PERCC1: variants seen among roughly 807,000 people sequenced by gnomAD.
The protein encoded by PERCC1 is protein PERCC1.
At position 1,432,704 on chromosome 16, in the gene PERCC1, G is replaced by GGAA; in HGVS notation, c.113_114insAGA (p.Glu47dup). 1 of 83,870 alleles carries GGAA rather than the reference G, an allele frequency of 1.2e-5. No homozygotes were observed. The highest frequency in any genetic ancestry group is 2.9e-5 in the Non-Finnish European group (1 of 34,926). The allele number at this position is 83,870 out of a possible 1,614,324, so 5.2% of individuals were successfully genotyped here. On this transcript the variant is annotated inframe_insertion, in exon 2 of 2. Transcript: ENST00000640283. ...CCCCAGAGACTTCGGAGGAGGAAGAGGAGGAGGAGGAGGAGGAGGAGGAGG... is the reference window on the plus strand; with the variant it reads ...CCCCAGAGACTTCGGAGGAGGAAGAGGAAGAGGAGGAGGAGGAGGAGGAGGAGG...
chr16:1,434,335 A>G lies in PERCC1; in HGVS notation c.*938A>G. On this transcript the variant is annotated 3_prime_UTR_variant, in exon 2 of 2. Transcript: ENST00000640283. ...GGACCTCGCCACCCCGCTCAGCCCCACAGGCCCTGGGTAGGCTGTCTCCCA... is the reference window on the plus strand; with the variant it reads ...GGACCTCGCCACCCCGCTCAGCCCCGCAGGCCCTGGGTAGGCTGTCTCCCA... The G allele has an allele frequency of 6.6e-7, 1 of 1,508,894 alleles. No homozygotes were observed. Among genetic ancestry groups the G allele is most frequent in the Non-Finnish European group, 8.9e-7 (1 of 1,122,608 alleles). The allele number at this position is 1,508,894 out of a possible 1,614,324, so 93.5% of individuals were successfully genotyped here.
Position 1,433,781 on chromosome 16 carries a change from G to A in PERCC1, c.*384G>A, listed in dbSNP as rs1051033578. 6.6e-6 allele frequency among the ~76,000 whole-genome samples: 1 copy of A among 152,180 alleles called. No individual in the cohort carries two copies. Among genetic ancestry groups the A allele is most frequent in the African/African-American group, 2.4e-5 (1 of 41,442 alleles). ...CCCCGAGCCAGCCCTCCCACTGCCT[G>A]CCCATCCCACCGAACCCCTAGGACT... On this transcript the variant is annotated 3_prime_UTR_variant, in exon 2 of 2. Transcript: ENST00000640283.
At position 1,433,026 on chromosome 16, in the gene PERCC1, G is replaced by A. The variant is rs1274914659; in HGVS notation, c.433G>A (p.Asp145Asn). The A allele has an allele frequency of 2.3e-5, 9 of 398,596 alleles. No homozygotes were observed. The East Asian group carries it at 2.5e-4, about 11-fold the overall frequency. The allele number at this position is 398,596 out of a possible 1,614,324, so 24.7% of individuals were successfully genotyped here. Reference sequence around the variant, plus strand: ...CCTGGCCCGTGGCGGGTCCCTGGAGGACGAGGACACCCCGGAGCCCAGGGT... The same window carrying A: ...CCTGGCCCGTGGCGGGTCCCTGGAGAACGAGGACACCCCGGAGCCCAGGGT... ...VRLARGGSLE[D>N]EDTPEPRVPQ... The change falls in exon 2 of 2, where the codon GAC (aspartate) becomes AAC (asparagine). Residue 145 changes from aspartate (D) to asparagine (N), a missense_variant. Physicochemically the swap from Asp to Asn is conservative, Grantham distance 23. Transcript: ENST00000640283.
rs956622496 is a variant in PERCC1, at chr16:1,434,078, C to T, written c.*681C>T. Among the ~76,000 whole-genome samples the T allele has an allele frequency of 6.6e-6, 1 of 152,172 alleles. No individual in the cohort carries two copies. The highest frequency in any genetic ancestry group is 1.5e-5 in the Non-Finnish European group (1 of 68,008). On this transcript the variant is annotated 3_prime_UTR_variant, in exon 2 of 2. Coordinates refer to ENST00000640283, the MANE Select transcript of PERCC1 (RefSeq NM_001365310.2). The stretch of plus-strand genomic sequence containing the variant: ...CCTCACAACCCGGGCAGGGGCAGCT[C>T]ACAGCGGGTCCTGGCGGGGGCAGGC...
At position 1,433,945 on chromosome 16, in the gene PERCC1, C is replaced by T. The variant is rs35969638; in HGVS notation, c.*548C>T. On this transcript the variant is annotated 3_prime_UTR_variant, in exon 2 of 2. Transcript: ENST00000640283. ...CCCGACCGAGAGAGCAAACAAGGGCCGTCTCCTCCCCAGATGCCGGAAGGC... is the reference window on the plus strand; with the variant it reads ...CCCGACCGAGAGAGCAAACAAGGGCTGTCTCCTCCCCAGATGCCGGAAGGC... Among the ~76,000 whole-genome samples the T allele has an allele frequency of 0.29, 44,039 of 152,162 alleles. 6,963 individuals carry two copies. The highest frequency in any genetic ancestry group is 0.47 in the Middle Eastern group (137 of 294).
At position 1,434,331 on chromosome 16, in the gene PERCC1, C is replaced by G; in HGVS notation, c.*934C>G. 6.7e-7 allele frequency: 1 copy of G among 1,500,264 alleles called. No homozygotes were observed. Among genetic ancestry groups the G allele is most frequent in the East Asian group, 2.5e-5 (1 of 40,372 alleles). 92.9% of individuals were successfully genotyped at this position (1,500,264 alleles called of 1,614,324 possible). On this transcript the variant is annotated 3_prime_UTR_variant, in exon 2 of 2. Transcript: ENST00000640283. ...CCAGGGACCTCGCCACCCCGCTCAG[C>G]CCCACAGGCCCTGGGTAGGCTGTCT...
Position 1,433,787 on chromosome 16 carries a change from C to T in PERCC1, c.*390C>T, listed in dbSNP as rs891011739. On this transcript the variant is annotated 3_prime_UTR_variant, in exon 2 of 2. Coordinates refer to ENST00000640283, the MANE Select transcript of PERCC1 (RefSeq NM_001365310.2). Reference sequence around the variant, plus strand: ...GCCAGCCCTCCCACTGCCTGCCCATCCCACCGAACCCCTAGGACTAAGCGG... The same window carrying T: ...GCCAGCCCTCCCACTGCCTGCCCATTCCACCGAACCCCTAGGACTAAGCGG... Among the ~76,000 whole-genome samples, 1 of 152,200 alleles carries T rather than the reference C, an allele frequency of 6.6e-6. No homozygotes were observed. The highest frequency in any genetic ancestry group is 2.4e-5 in the African/African-American group (1 of 41,442).
chr16:1,431,126 G>C lies in PERCC1; in HGVS notation c.-48+18G>C, dbSNP rs908274431. 1 of 152,324 alleles carries C rather than the reference G, an allele frequency of 6.6e-6. No homozygotes were observed. The highest frequency in any genetic ancestry group is 1.5e-5 in the Non-Finnish European group (1 of 68,102). 9.4% of individuals were successfully genotyped at this position (152,324 alleles called of 1,614,324 possible). A position where few individuals can be genotyped will look rare whatever the true frequency, so the allele number is the denominator to read the frequency against. ...CCGGCCAGGTAGGAGCCAGGGCCTG[G>C]GGGAGGCAGACGCTGCTGGGGACAC... On this transcript the variant is annotated intron_variant, in intron 1 of 1. Transcript: ENST00000640283.
At position 1,432,856 on chromosome 16, in the gene PERCC1, G is replaced by C; in HGVS notation, c.263G>C (p.Arg88Pro). ...GSPETPLQLLRFSELISDDIR... is the reference protein window; with the variant it reads ...GSPETPLQLLPFSELISDDIR... ...CCCGAGACCCCGCTGCAGCTGCTAC[G>C]CTTTTCAGAGCTCATCAGCGACGAC... The change falls in exon 2 of 2, where the codon CGC (arginine) becomes CCC (proline). Residue 88 changes from arginine to proline, a missense_variant. Arg to Pro is a moderately radical substitution (Grantham distance 103). Coordinates refer to ENST00000640283, the MANE Select transcript of PERCC1 (RefSeq NM_001365310.2). 1 of 398,650 alleles carries C rather than the reference G, an allele frequency of 2.5e-6. No individual in the cohort carries two copies. The highest frequency in any genetic ancestry group is 3.6e-5 in the East Asian group (1 of 28,060). The allele number at this position is 398,650 out of a possible 1,614,324, so 24.7% of individuals were successfully genotyped here.
chr16:1,432,244 A>T (rs2038454176), intron 1 of PERCC1, among the ~76,000 whole-genome samples: 1 of 151,456 alleles, frequency 6.6e-6, no homozygotes. Context: ...GCCCCCCACG[A>T]CAGGACCCCA....
chr16:1,432,901 G>A lies in PERCC1; in HGVS notation c.308G>A (p.Arg103His), dbSNP rs950518496. Residue 103 changes from arginine to histidine, a missense_variant, in exon 2 of 2, where the codon CGC (arginine) becomes CAC (histidine). Physicochemically the swap from Arg to His is conservative, Grantham distance 29 (BLOSUM62 0). Transcript: ENST00000640283. Reference sequence around the variant, plus strand: ...GACGACATCCGGCGGTACTTTGGCCGCAAGGATAAGGGGCAGGACCCAGAT... The same window carrying A: ...GACGACATCCGGCGGTACTTTGGCCACAAGGATAAGGGGCAGGACCCAGAT... ...ISDDIRRYFG[R>H]KDKGQDPDAC... 23 of 398,612 alleles carry A rather than the reference G, an allele frequency of 5.8e-5. No homozygotes were observed. The highest frequency in any genetic ancestry group is 8.8e-5 in the Non-Finnish European group (20 of 226,028). 24.7% of individuals were successfully genotyped at this position (398,612 alleles called of 1,614,324 possible).
chr16:1,432,952 G>A lies in PERCC1; in HGVS notation c.359G>A (p.Arg120His), dbSNP rs977914302. The change falls in exon 2 of 2, where the codon CGC becomes CAC. Residue 120 changes from arginine to histidine, a missense_variant. By Grantham distance (29) the Arg-to-His change is conservative. Transcript: ENST00000640283. ...GCCTGCGACGTCTACGCCGACAGCCGCCCACCCCGCAGCACTGCCCGGGAG... is the reference window on the plus strand; with the variant it reads ...GCCTGCGACGTCTACGCCGACAGCCACCCACCCCGCAGCACTGCCCGGGAG... Reference protein sequence around the residue: ...PDACDVYADSRPPRSTARELY... With the variant: ...PDACDVYADSHPPRSTARELY... 2.0e-5 allele frequency: 8 copies of A among 398,924 alleles called. No individual in the cohort carries two copies. The highest frequency in any genetic ancestry group is 1.2e-4 in the African/African-American group (6 of 48,738). 24.7% of individuals were successfully genotyped at this position (398,924 alleles called of 1,614,324 possible). A position where few individuals can be genotyped will look rare whatever the true frequency, so the allele number is the denominator to read the frequency against.
intron 1 of PERCC1, 84 bp from the exon 2 acceptor site, chr16:1,432,463 T>C (rs912931183): frequency 1.0e-5 from 4 of 397,544 alleles, no homozygotes; most frequent in African/African-American, 6.2e-5. Context: ...GCCACAGATG[T>C]GTGAGATCCG....
chr16:1,431,310 G>A (rs60225413), intron 1 of PERCC1, among the ~76,000 whole-genome samples: 2,872 of 152,234 alleles, frequency 0.019, 83 homozygotes, highest in African/African-American at 0.062. Context: ...TGGGCTGTCC[G>A]TGAGCAGTCA....
rs974688087 is a variant in PERCC1 at position 1,432,825 on chromosome 16, G to C, written c.232G>C (p.Gly78Arg). The C allele has an allele frequency of 2.5e-6, 1 of 398,576 alleles. No homozygotes were observed. The highest frequency in any genetic ancestry group is 4.4e-6 in the Non-Finnish European group (1 of 225,944). The allele number at this position is 398,576 out of a possible 1,614,324, so 24.7% of individuals were successfully genotyped here. The change falls in exon 2 of 2, where the codon GGC becomes CGC. Residue 78 changes from glycine (G) to arginine (R), a missense_variant. Coordinates refer to ENST00000640283, the MANE Select transcript of PERCC1 (RefSeq NM_001365310.2). ...GGAGGAAGCAGCCCCCGAGGGTCCC[G>C]GCAGCCCCGAGACCCCGCTGCAGCT... ...ATEEAAPEGP[G>R]SPETPLQLLR... is the part of the protein sequence containing the mutation.
In PERCC1 at chr16:1,433,769, C is replaced by T. The variant is rs1202849997; in HGVS notation, c.*372C>T. On this transcript the variant is annotated 3_prime_UTR_variant, in exon 2 of 2. Transcript: ENST00000640283. ...GAGGACAGAGCCCCCCGAGCCAGCC[C>T]TCCCACTGCCTGCCCATCCCACCGA... Among the ~76,000 whole-genome samples the T allele has an allele frequency of 1.3e-5, 2 of 152,212 alleles. No homozygotes were observed. Among genetic ancestry groups the T allele is most frequent in the East Asian group, 3.9e-4 (2 of 5,188 alleles).
In PERCC1 at chr16:1,434,090, T is replaced by G. The variant is rs866657323; in HGVS notation, c.*693T>G. On this transcript the variant is annotated 3_prime_UTR_variant, in exon 2 of 2. Coordinates refer to ENST00000640283, the MANE Select transcript of PERCC1 (RefSeq NM_001365310.2). ...GGCAGGGGCAGCTCACAGCGGGTCC[T>G]GGCGGGGGCAGGCCTAGGTGCTTCT... 1.2e-3 allele frequency among the ~76,000 whole-genome samples: 181 copies of G among 152,284 alleles called. 1 individual carries two copies. The highest frequency in any genetic ancestry group is 4.2e-3 in the African/African-American group (173 of 41,578).
At position 1,434,063 on chromosome 16, in the gene PERCC1, CGG is replaced by C. The variant is rs35935603; in HGVS notation, c.*668_*669del. Among the ~76,000 whole-genome samples, 1 of 152,022 alleles carries C rather than the reference CGG, an allele frequency of 6.6e-6. No individual in the cohort carries two copies. Among genetic ancestry groups the C allele is most frequent in the African/African-American group, 2.4e-5 (1 of 41,382 alleles). ...GCTTCCCCGGGTCCTCCTCACAACC[CGG>C]GCAGGGGCAGCTCACAGCGGGTCCT... On this transcript the variant is annotated 3_prime_UTR_variant, in exon 2 of 2. Coordinates refer to ENST00000640283, the MANE Select transcript of PERCC1 (RefSeq NM_001365310.2).
In PERCC1 at chr16:1,433,872, C is replaced by T. The variant is rs1044720186; in HGVS notation, c.*475C>T. 2.6e-5 allele frequency among the ~76,000 whole-genome samples: 4 copies of T among 152,370 alleles called. No individual in the cohort carries two copies. The highest frequency in any genetic ancestry group is 1.3e-4 in the Admixed American group (2 of 15,310). ...CAGCAGACGGCAGGGCCGGCGACCG[C>T]GGGATGAGCGAGGGCTTTCTTGGAG... is the stretch of plus-strand genomic sequence containing the variant. On this transcript the variant is annotated 3_prime_UTR_variant, in exon 2 of 2. Transcript: ENST00000640283.
Sources: allele counts gnomAD v4.1 joint callset (sites outside exome capture counted in the v4.1 genomes callset), GRCh38; gene constraint gnomAD v4.1.1; transcripts MANE v1.5; gene names NCBI Gene and HGNC (gene_info 2026-07-23, HGNC 2026-07-21).